CSMD1: variants seen among roughly 807,000 people sequenced by gnomAD.
CSMD1 encodes CUB and Sushi multiple domains 1.
In CSMD1, 213 loss-of-function variants were observed where a neutral mutation model predicts 417.5. The observed-to-expected ratio is 0.51, with a 90% CI of 0.46 to 0.57. The LOEUF (loss-of-function observed/expected upper bound fraction) is 0.57. CSMD1 is among the 20% of genes least tolerant of loss of function. The pLI, the probability that CSMD1 is intolerant of heterozygous loss-of-function variation, is 0.00. For missense variants in CSMD1, 6,923 were observed against 4,529.7 expected (o/e 1.53, Z -15.17); for synonymous variants, 2,862 against 1,736.8 (o/e 1.65, Z -16.11).
intron 3 of CSMD1, among the ~76,000 whole-genome samples, chr8:4,335,693 G>A (rs7000582): frequency 6.6e-6 from 1 of 151,916 alleles, no homozygotes; most frequent in African/African-American, 2.4e-5. Flanking sequence ...AATTGTTACA[G>A]AATATAGTGT....
chr8:4,091,810 G>C (rs1233536042), intron 3 of CSMD1, among the ~76,000 whole-genome samples: 1 of 152,116 alleles, frequency 6.6e-6, no homozygotes, highest in Non-Finnish European at 1.5e-5. Flanking sequence ...TACTGGAAGA[G>C]GCCTTATCCT....
chr8:3,765,213 C>T (rs971726828), intron 5 of CSMD1, among the ~76,000 whole-genome samples: 4 of 152,182 alleles, frequency 2.6e-5, no homozygotes, highest in African/African-American at 9.7e-5. Flanking sequence ...TGGTGGCGAT[C>T]ACTCCCTCGA....
At chr8:4,208,168 G>C (rs539837081) in intron 3 of CSMD1, among the ~76,000 whole-genome samples, 3 of 152,100 alleles carry the variant, frequency 2.0e-5, no homozygotes, top group African/African-American at 7.2e-5. Flanking sequence ...TGGAGGCTAA[G>C]GTGTTAGAAA....
intron 68 of CSMD1, among the ~76,000 whole-genome samples, chr8:2,948,397 A>G (rs1802399545): frequency 1.3e-5 from 2 of 152,008 alleles, no homozygotes; most frequent in Non-Finnish European, 1.5e-5. Context: ...GTTTCCACAT[A>G]TGTTCCTCCT....
intron 3 of CSMD1, among the ~76,000 whole-genome samples, chr8:4,334,840 T>A (rs904273750): frequency 1.3e-5 from 2 of 152,070 alleles, no homozygotes; most frequent in Admixed American, 6.6e-5. Context: ...AGAAAAGACA[T>A]TTATTTCTCA....
At chr8:4,594,414 G>C (rs148197951) in intron 2 of CSMD1, among the ~76,000 whole-genome samples, 1,880 of 151,910 alleles carry the variant, frequency 0.012, 38 homozygotes, top group African/African-American at 0.044. Context: ...TGGCCAGGCT[G>C]GTCTCAAACT....
intron 3 of CSMD1, among the ~76,000 whole-genome samples, chr8:4,041,268 C>T (rs938054403): frequency 3.4e-5 from 5 of 146,660 alleles, no homozygotes; most frequent in Non-Finnish European, 6.0e-5. Flanking sequence ...CCGCCCGCCT[C>T]GGCCTCCCAA....
At chr8:4,398,648 G>GCA (rs1804435188) in intron 3 of CSMD1, among the ~76,000 whole-genome samples, 1 of 151,886 alleles carries the variant, frequency 6.6e-6, no homozygotes, top group African/African-American at 2.4e-5. Flanking sequence ...GCCCCTCTTG[G>GCA]CCTCCCAAAG....
intron 7 of CSMD1, among the ~76,000 whole-genome samples, chr8:3,669,977 A>T (rs1209186946): frequency 6.6e-6 from 1 of 152,222 alleles, no homozygotes; most frequent in Non-Finnish European, 1.5e-5. Context: ...TTATTATTTT[A>T]AGCTATCAGG....
intron 29 of CSMD1, among the ~76,000 whole-genome samples, chr8:3,217,667 C>T (rs866839369): frequency 1.3e-5 from 2 of 152,234 alleles, no homozygotes; most frequent in Admixed American, 6.5e-5. Context: ...CTAAACGTGA[C>T]GGATCCCATC....
At chr8:4,513,230 G>A (rs1374087804) in intron 2 of CSMD1, among the ~76,000 whole-genome samples, 1 of 152,122 alleles carries the variant, frequency 6.6e-6, no homozygotes, top group Non-Finnish European at 1.5e-5. Context: ...GATAATAAAG[G>A]AGATCCTGTA....
intron 3 of CSMD1, among the ~76,000 whole-genome samples, chr8:4,331,495 C>G (rs972634961): frequency 6.6e-6 from 1 of 152,060 alleles, no homozygotes; most frequent in Non-Finnish European, 1.5e-5. Flanking sequence ...TTTTGTAATT[C>G]AAACATGTTT....
chr8:4,224,967 T>C (rs1229654717), intron 3 of CSMD1, among the ~76,000 whole-genome samples: 1 of 152,058 alleles, frequency 6.6e-6, no homozygotes, highest in Non-Finnish European at 1.5e-5. Context: ...AAAAAATTAG[T>C]TGGGCGTGGT....
At chr8:3,008,605 C>T (rs1056637667) in intron 52 of CSMD1, among the ~76,000 whole-genome samples, 2 of 151,778 alleles carry the variant, frequency 1.3e-5, no homozygotes, top group Non-Finnish European at 2.9e-5. Flanking sequence ...TGAACGAATC[C>T]GGTTCCTTCA....
chr8:3,096,984 G>C lies in CSMD1; in HGVS notation c.7003C>G (p.Pro2335Ala), dbSNP rs1815352525. Residue 2335 changes from proline (P) to alanine (A), a missense_variant, in exon 47 of 70, where the codon CCA (proline) becomes GCA (alanine). Physicochemically the swap from Pro to Ala is conservative, Grantham distance 27 (BLOSUM62 -1). Coordinates refer to ENST00000635120, the MANE Select transcript of CSMD1 (RefSeq NM_033225.6). Reference sequence around the variant, plus strand: ...TTAAAATAATTACCCGGATACCCTGGACTGAGAATGACTCCCGATGATCCA... The same window carrying C: ...TTAAAATAATTACCCGGATACCCTGCACTGAGAATGACTCCCGATGATCCA... The part of the protein sequence containing the change: ...RTGSSGVILS[P>A]GYPGNYFNSQ... The C allele has an allele frequency of 6.4e-7, 1 of 1,555,642 alleles. No individual in the cohort carries two copies. Among genetic ancestry groups the C allele is most frequent in the Non-Finnish European group, 8.7e-7 (1 of 1,148,778 alleles).
chr8:3,645,553 A>C (rs1563229410), intron 7 of CSMD1, among the ~76,000 whole-genome samples: 1 of 152,204 alleles, frequency 6.6e-6, no homozygotes, highest in Non-Finnish European at 1.5e-5. Flanking sequence ...AGGAGAGATC[A>C]TGGGAAGTGT....
intron 10 of CSMD1, among the ~76,000 whole-genome samples, chr8:3,522,735 G>A (rs938171195): frequency 1.3e-4 from 19 of 151,806 alleles, no homozygotes; most frequent in African/African-American, 4.4e-4. Context: ...CTTAATATGT[G>A]GCATTCGGGA....
At chr8:4,827,057 G>T (rs773791805) in intron 1 of CSMD1, among the ~76,000 whole-genome samples, 1 of 152,022 alleles carries the variant, frequency 6.6e-6, no homozygotes, top group African/African-American at 2.4e-5. Context: ...AACAGACTAA[G>T]AACAGGGAAA....
chr8:4,840,984 G>C (rs1356969823), intron 1 of CSMD1, among the ~76,000 whole-genome samples: 1 of 152,184 alleles, frequency 6.6e-6, no homozygotes, highest in East Asian at 1.9e-4. Flanking sequence ...CCGATAAGGA[G>C]CATGTCCTCT....
Sources: gnomAD v4.1 joint callset for allele counts (sites outside exome capture counted in the v4.1 genomes callset) on GRCh38, gnomAD v4.1.1 for gene constraint, MANE v1.5 for transcripts, NCBI Gene and HGNC (gene_info 2026-07-23, HGNC 2026-07-21) for gene names.